Variants in LCP1 observed in about 807,000 individuals in gnomAD.
LCP1 encodes plastin-2.
LCP1 carries 23 observed loss-of-function variants against 72.0 expected under a neutral mutation model. That is an observed-to-expected ratio of 0.32 (90% CI 0.23 to 0.45). The LOEUF (loss-of-function observed/expected upper bound fraction) is 0.45, where lower values mean the gene tolerates loss of function less well. LCP1 is among the 20% of genes least tolerant of loss of function. LCP1 has a pLI of 1.00. For synonymous variants in LCP1, 245 were observed against 275.4 expected (o/e 0.89, Z 1.09); for missense variants, 571 against 748.3 (o/e 0.76, Z 2.76).
intron 1 of LCP1, among the ~76,000 whole-genome samples, chr13:46,179,361 T>C (rs1380286435): frequency 1.3e-5 from 2 of 152,154 alleles, no homozygotes; most frequent in African/African-American, 4.8e-5. Flanking sequence ...CATGCGTATG[T>C]AAGAAGCTGA....
At chr13:46,143,241 G>T in intron 12 of LCP1, 49 bp downstream of exon 12, 1 of 1,266,262 alleles carries the variant, frequency 7.9e-7, no homozygotes. Flanking sequence ...TGCTCTTGCA[G>T]GCTATGACTT....
Position 46,134,241 on chromosome 13 carries a change from C to A in LCP1, c.1512G>T (p.Leu504=). 6.2e-7 allele frequency: 1 copy of A among 1,612,688 alleles called. No homozygotes were observed. The change falls in exon 14 of 16, where the codon CTG becomes CTT. Residue 504 remains leucine (L), a synonymous_variant. Coordinates refer to ENST00000323076, the MANE Select transcript of LCP1 (RefSeq NM_002298.5). ...LIWQLMRRYT[L]NILEEIGGGQ... is the part of the protein sequence containing the mutation. ...CACCACCAATTTCTTCGAGGATATT[C>A]AGTGTATACCTGAACAAAATAAAGA...
chr13:46,165,317 T>C (rs2045870207), intron 1 of LCP1, among the ~76,000 whole-genome samples: 2 of 151,706 alleles, frequency 1.3e-5, no homozygotes. Context: ...GAGGTTGCAG[T>C]GAACTGAGAT....
chr13:46,166,294 C>A lies in LCP1; in HGVS notation c.-24-6608G>T, dbSNP rs1044584200. Among the ~76,000 whole-genome samples the A allele has an allele frequency of 4.6e-5, 7 of 152,234 alleles. No homozygotes were observed. The South Asian group carries it at 1.0e-3, about 23-fold the overall frequency. On this transcript the variant is annotated intron_variant, in intron 1 of 15. Coordinates refer to ENST00000323076, the MANE Select transcript of LCP1 (RefSeq NM_002298.5). Reference sequence around the variant, plus strand: ...AAAGCAGAAAGGCTAGAAAAGGTGACCTGTCTAGAGAGAGATGCTCAAGGG... The same window carrying A: ...AAAGCAGAAAGGCTAGAAAAGGTGAACTGTCTAGAGAGAGATGCTCAAGGG...
chr13:46,151,732 G>C (rs2045765505), intron 7 of LCP1, among the ~76,000 whole-genome samples: 2 of 151,974 alleles, frequency 1.3e-5, no homozygotes, highest in Non-Finnish European at 2.9e-5. Context: ...AATATTTCAG[G>C]ATTTTTCATT....
chr13:46,128,414 T>C (rs554191998), intron 15 of LCP1, among the ~76,000 whole-genome samples: 24 of 152,238 alleles, frequency 1.6e-4, no homozygotes, highest in East Asian at 7.7e-4. Flanking sequence ...CTGGCCAACA[T>C]GGTGAAACCC....
chr13:46,169,029 G>T (rs2045891816), intron 1 of LCP1, among the ~76,000 whole-genome samples: 1 of 152,202 alleles, frequency 6.6e-6, no homozygotes. Context: ...TCTTAGAGAT[G>T]ATCTATCTGG....
At chr13:46,170,868 A>C (rs1377049019) in intron 1 of LCP1, among the ~76,000 whole-genome samples, 1 of 152,178 alleles carries the variant, frequency 6.6e-6, no homozygotes, top group African/African-American at 2.4e-5. Context: ...TTTTAGATCC[A>C]CAGGAAGAGG....
At chr13:46,141,062 T>A (rs1295950640) in intron 13 of LCP1, among the ~76,000 whole-genome samples, 1 of 152,124 alleles carries the variant, frequency 6.6e-6, no homozygotes, top group Non-Finnish European at 1.5e-5. Context: ...CCAAATTTGA[T>A]GGAAAGTATA....
At chr13:46,181,915 G>A (rs1179733689) in intron 1 of LCP1, among the ~76,000 whole-genome samples, 196 bp downstream of exon 1, 1 of 152,192 alleles carries the variant, frequency 6.6e-6, no homozygotes, top group African/African-American at 2.4e-5. Flanking sequence ...AGAGAGCCGA[G>A]GTGCTCCATC....
At chr13:46,144,035 C>T (rs1388442525) in intron 11 of LCP1, among the ~76,000 whole-genome samples, 3 of 151,768 alleles carry the variant, frequency 2.0e-5, no homozygotes, top group Non-Finnish European at 4.4e-5. Context: ...CACCGCACTC[C>T]AGCCTGGGCG....
rs571721029 is a variant in LCP1 at position 46,157,893 on chromosome 13, T to A, written c.358+629A>T. ...TCCCGAGTCGATGAGATTACAGGCA[T>A]GCGCCACTGCACCCAGTAGAACGGG... On this transcript the variant is annotated intron_variant, in intron 4 of 15. Coordinates refer to ENST00000323076, the MANE Select transcript of LCP1 (RefSeq NM_002298.5). Among the ~76,000 whole-genome samples the A allele has an allele frequency of 6.3e-4, 96 of 152,052 alleles. 1 individual carries two copies. Among genetic ancestry groups the A allele is most frequent in the Non-Finnish European group, 7.6e-4 (52 of 68,004 alleles).
chr13:46,181,384 C>A (rs917827058), intron 1 of LCP1, among the ~76,000 whole-genome samples: 13 of 152,124 alleles, frequency 8.5e-5, no homozygotes, highest in Non-Finnish European at 1.3e-4. Context: ...TAGATAAAAG[C>A]CTTTCTCCCA....
At chr13:46,175,366 A>C (rs2045924283) in intron 1 of LCP1, among the ~76,000 whole-genome samples, 1 of 152,194 alleles carries the variant, frequency 6.6e-6, no homozygotes, top group Non-Finnish European at 1.5e-5. Context: ...GAGGAAACTG[A>C]ACTTCAGAGG....
intron 12 of LCP1, chr13:46,142,859 G>A (rs1025655563): frequency 2.6e-5 from 11 of 424,202 alleles, no homozygotes; most frequent in African/African-American, 1.0e-4. Context: ...TAACAGTCAC[G>A]GCAATAAGAA....
rs1593955819 is a variant in LCP1 at position 46,156,518 on chromosome 13, A to G, written c.411T>C (p.Asp137=). ...VNWINKALEN[D]PDCRHVIPMN... is the part of the protein sequence containing the mutation. ...TTGGGATGACATGCCGACAATCAGG[A>G]TCATTTTCCAGGGCTTTGTTTATCC... The change falls in exon 5 of 16, where the codon GAT becomes GAC. Residue 137 remains aspartate (D), a synonymous_variant. Transcript: ENST00000323076. 1 of 1,614,168 alleles carries G rather than the reference A, an allele frequency of 6.2e-7. No homozygotes were observed.
chr13:46,174,851 A>AAG (rs2045921238), intron 1 of LCP1, among the ~76,000 whole-genome samples: 1 of 151,354 alleles, frequency 6.6e-6, no homozygotes, highest in African/African-American at 2.4e-5. Flanking sequence ...AAAAAAAAAA[A>AAG]GAAAAAAGAA....
At chr13:46,174,827 C>G (rs1279720309) in intron 1 of LCP1, among the ~76,000 whole-genome samples, 1 of 137,646 alleles carries the variant, frequency 7.3e-6, no homozygotes, top group Non-Finnish European at 1.5e-5. Context: ...AGCGAAAACT[C>G]CATCTTCAAA....
chr13:46,135,124 G>GAAAAAAAAAAAAAAAAAAAAAAAAAAA (rs554047551), intron 13 of LCP1, among the ~76,000 whole-genome samples: 1 of 116,400 alleles, frequency 8.6e-6, no homozygotes. Flanking sequence ...AAAAAAAAAA[G>GAAAAAAAAAAAAAAAAAAAAAAAAAAA]AAAAAAAAAA....
Sources: allele counts gnomAD v4.1 joint callset (sites outside exome capture counted in the v4.1 genomes callset), GRCh38; gene constraint gnomAD v4.1.1; transcripts MANE v1.5; gene names NCBI Gene and HGNC (gene_info 2026-07-23, HGNC 2026-07-21).